The following TPM2 variants were observed in gnomAD, a reference collection of about 807,000 sequenced individuals.
TPM2 encodes the protein tropomyosin 2.
TPM2 carries 26 observed loss-of-function variants against 41.0 expected under a neutral mutation model. The ratio of observed to expected loss-of-function variants is 0.63; its 90% confidence interval spans 0.46 to 0.88. The LOEUF is 0.88. Among genes scored for constraint, TPM2 ranks in the 40% least tolerant of loss-of-function variants. The pLI, the probability that TPM2 is intolerant of heterozygous loss-of-function variation, is 0.00. For missense variants in TPM2, 187 were observed against 355.2 expected (o/e 0.53, Z 3.81); for synonymous variants, 143 against 139.3 (o/e 1.03, Z -0.19).
downstream of TPM2, chr9:35,682,410 A>C: frequency 8.0e-7 from 1 of 1,250,426 alleles, no homozygotes; most frequent in East Asian, 2.7e-5. Flanking sequence ...CTGAGTCATA[A>C]ACTACTTTAT....
chr9:35,689,915 G>A lies in TPM2; in HGVS notation c.-98C>T, dbSNP rs1234196370. On this transcript the variant is annotated 5_prime_UTR_variant, in exon 1 of 9. Coordinates refer to ENST00000645482, the MANE Select transcript of TPM2 (RefSeq NM_003289.4). Reference sequence around the variant, plus strand: ...TGCACCGGTGGCAGGCGAGGAGGACGGAGCGGGACTGGGACGTCCCGGCCA... The same window carrying A: ...TGCACCGGTGGCAGGCGAGGAGGACAGAGCGGGACTGGGACGTCCCGGCCA... 11 of 1,601,422 alleles carry A rather than the reference G, an allele frequency of 6.9e-6. No homozygotes were observed. Among genetic ancestry groups the A allele is most frequent in the Non-Finnish European group, 9.3e-6 (11 of 1,176,668 alleles).
intron 2 of TPM2, among the ~76,000 whole-genome samples, chr9:35,687,166 C>T (rs1054876727): frequency 5.3e-5 from 8 of 152,138 alleles, no homozygotes; most frequent in Non-Finnish European, 8.8e-5. Context: ...ACAGGACCTT[C>T]GGTGAGACTC....
chr9:35,683,182 G>A lies in TPM2; in HGVS notation c.832C>T (p.Leu278Phe), dbSNP rs1204906995. 9.0e-6 allele frequency: 14 copies of A among 1,557,516 alleles called. No homozygotes were observed. Among genetic ancestry groups the A allele is most frequent in the African/African-American group, 1.4e-5 (1 of 73,240 alleles). Residue 278 changes from leucine to phenylalanine, a missense_variant, in exon 9 of 9, where the codon CTC (leucine) becomes TTC (phenylalanine). Transcript: ENST00000645482. ...KAISEELDNA[L>F]NDITSL ...GCTCAGAGGGAGGTGATGTCATTGA[G>A]TGCGTTGTCCAGTTCCTCGCTAATG...
chr9:35,690,008 C>G (rs1003150989), upstream of TPM2: 5 of 1,440,734 alleles, frequency 3.5e-6, no homozygotes, highest in African/African-American at 1.4e-5. Context: ...CCACCTCGGC[C>G]CAAACCTTGT....
At chr9:35,683,287 G>T in intron 8 of TPM2, 46 bp from the exon 9 acceptor site, 1 of 1,514,790 alleles carries the variant, frequency 6.6e-7, no homozygotes, top group Non-Finnish European at 9.0e-7. Context: ...GTGGGAAAGG[G>T]AGTGGAGGGA....
At chr9:35,682,060 G>A (rs1305213357), downstream of TPM2, 24 of 1,613,786 alleles carry the variant, frequency 1.5e-5, no homozygotes, top group East Asian at 4.7e-4. Flanking sequence ...ACCATAGCCT[G>A]GCTGGGGGTG....
rs926072282 is a variant in TPM2, at chr9:35,685,973, G to A, written c.241-193C>T. Reference sequence around the variant, plus strand: ...CCAGTAAAAAATGTGCATTCAGGCCGGGCATGGTGGCTCACGCCTGTAATC... The same window carrying A: ...CCAGTAAAAAATGTGCATTCAGGCCAGGCATGGTGGCTCACGCCTGTAATC... On this transcript the variant is annotated intron_variant, in intron 2 of 8. Transcript: ENST00000645482. The surrounding 1 kb of genome is among the most constrained non-coding windows in gnomAD (Gnocchi z 5.0). Among the ~76,000 whole-genome samples, 2 of 152,190 alleles carry A rather than the reference G, an allele frequency of 1.3e-5. No individual in the cohort carries two copies. Among genetic ancestry groups the A allele is most frequent in the South Asian group, 2.1e-4 (1 of 4,832 alleles).
chr9:35,685,786 G>A lies in TPM2; in HGVS notation c.241-6C>T, dbSNP rs552375359. On this transcript the variant is annotated splice_region_variant and splice_polypyrimidine_tract_variant and intron_variant, in intron 2 of 8. Transcript: ENST00000645482. This position sits in a 1 kb window ranked among gnomAD's most constrained non-coding sequence, Gnocchi z 5.0. Reference sequence around the variant, plus strand: ...GAGGCCACATCTGCCTCAGCCTGTGGGTCAGAGGTCAGGGGTCAAAAAGGC... The same window carrying A: ...GAGGCCACATCTGCCTCAGCCTGTGAGTCAGAGGTCAGGGGTCAAAAAGGC... 2.5e-6 allele frequency: 4 copies of A among 1,614,046 alleles called. No individual in the cohort carries two copies. The Admixed American group carries it at 5.0e-5, about 20-fold the overall frequency.
intron 2 of TPM2, among the ~76,000 whole-genome samples, chr9:35,686,160 G>C (rs992542501): frequency 2.0e-5 from 3 of 152,192 alleles, no homozygotes; most frequent in Non-Finnish European, 2.9e-5. Context: ...TGAGGCACAA[G>C]AATCACTTGA....
upstream of TPM2, chr9:35,690,013 C>A (rs1395856864): frequency 7.7e-6 from 11 of 1,427,528 alleles, no homozygotes; most frequent in East Asian, 2.6e-5. Flanking sequence ...TCGGCCCAAA[C>A]CTTGTAGGGG....
At position 35,685,624 on chromosome 9, in the gene TPM2, T is replaced by C. The variant is rs1181748184; in HGVS notation, c.374+23A>G. 1 of 1,613,800 alleles carries C rather than the reference T, an allele frequency of 6.2e-7. No individual in the cohort carries two copies. Among genetic ancestry groups the C allele is most frequent in the Non-Finnish European group, 8.5e-7 (1 of 1,179,952 alleles). The stretch of plus-strand genomic sequence containing the variant: ...AGGCTCCCTTCTCCCTCCCGGACCA[T>C]CCTCCCCGAGGCCCCTGACCACCTC... On this transcript the variant is annotated intron_variant, in intron 3 of 8. Transcript: ENST00000645482. The surrounding 1 kb of genome is among the most constrained non-coding windows in gnomAD (Gnocchi z 5.0).
chr9:35,683,936 A>T (rs909922446), intron 8 of TPM2: 22 of 406,368 alleles, frequency 5.4e-5, no homozygotes, highest in Non-Finnish European at 9.8e-5. Context: ...GCAGTACCAG[A>T]GAACTAGCTA....
rs1192243561 is a variant in TPM2, at chr9:35,689,896, G to C, written c.-79C>G. ...GCTGGGTGAGCGGACTGGGTGCACC[G>C]GTGGCAGGCGAGGAGGACGGAGCGG... On this transcript the variant is annotated 5_prime_UTR_variant, in exon 1 of 9. Transcript: ENST00000645482. 12 of 1,607,052 alleles carry C rather than the reference G, an allele frequency of 7.5e-6. No homozygotes were observed. The highest frequency in any genetic ancestry group is 1.1e-5 in the South Asian group (1 of 90,942).
At chr9:35,689,975 G>A, upstream of TPM2, 1 of 1,511,818 alleles carries the variant, frequency 6.6e-7, no homozygotes, top group Non-Finnish European at 8.8e-7. Context: ...GGACCGGGCG[G>A]GGCCGGCAAC....
upstream of TPM2, chr9:35,689,954 A>T (rs3793540): frequency 0.28 from 429,713 of 1,560,002 alleles, 60,558 homozygotes; most frequent in East Asian, 0.32. Flanking sequence ...GGGCGCCTAA[A>T]AGGCGGGGAG....
At position 35,685,917 on chromosome 9, in the gene TPM2, C is replaced by G; in HGVS notation, c.241-137G>C. On this transcript the variant is annotated intron_variant, in intron 2 of 8. Transcript: ENST00000645482. This position sits in a 1 kb window ranked among gnomAD's most constrained non-coding sequence, Gnocchi z 5.0. Reference sequence around the variant, plus strand: ...TCTAGACATTCTATGTGATTTTTCCCCAACCAATCATCTTCTGCCCAGACT... The same window carrying G: ...TCTAGACATTCTATGTGATTTTTCCGCAACCAATCATCTTCTGCCCAGACT... 4 of 1,434,740 alleles carry G rather than the reference C, an allele frequency of 2.8e-6. No homozygotes were observed. The highest frequency in any genetic ancestry group is 9.6e-7 in the Non-Finnish European group (1 of 1,041,868). The allele number at this position is 1,434,740 out of a possible 1,614,324, so 88.9% of individuals were successfully genotyped here.
At chr9:35,684,129 T>C (rs1824733649) in intron 8 of TPM2, 117 bp downstream of exon 8, 4 of 995,212 alleles carry the variant, frequency 4.0e-6, no homozygotes, top group South Asian at 2.6e-5. Flanking sequence ...GGGGAGTTGG[T>C]AGGGTCCTAG....
intron 2 of TPM2, among the ~76,000 whole-genome samples, chr9:35,687,207 C>G (rs1287614348): frequency 6.6e-6 from 1 of 152,176 alleles, no homozygotes; most frequent in African/African-American, 2.4e-5. Flanking sequence ...TTACTCCATG[C>G]TAGATCCACT....
chr9:35,688,023 C>T (rs758215494), intron 2 of TPM2, among the ~76,000 whole-genome samples: 4 of 152,146 alleles, frequency 2.6e-5, no homozygotes, highest in Admixed American at 6.5e-5. Flanking sequence ...CCTGGTGCTG[C>T]GGCTCTGCCT....
Sources: allele counts gnomAD v4.1 joint callset (sites outside exome capture counted in the v4.1 genomes callset), GRCh38; gene constraint gnomAD v4.1.1; non-coding constraint Gnocchi (gnomAD v3.1); transcripts MANE v1.5; gene names NCBI Gene and HGNC (gene_info 2026-07-23, HGNC 2026-07-21).